AKAP19: variants seen among roughly 807,000 people sequenced by gnomAD.
The protein encoded by AKAP19 is small A-kinase anchoring protein.
chr2:189,890,841 C>G, the AKAP19 span, among the ~76,000 whole-genome samples: 1 of 152,166 alleles, frequency 6.6e-6, no homozygotes, highest in Non-Finnish European at 1.5e-5. Flanking sequence ...CTCCTGAATA[C>G]AGCACACTGA....
chr2:190,196,115 T>TAA, the AKAP19 span, among the ~76,000 whole-genome samples: 1 of 152,086 alleles, frequency 6.6e-6, no homozygotes, highest in African/African-American at 2.4e-5. Context: ...GGCTTTTTCA[T>TAA]ATGTTGGTTT....
the AKAP19 span, chr2:190,201,614 A>T: frequency 6.0e-6 from 1 of 167,072 alleles, no homozygotes; most frequent in African/African-American, 2.4e-5. Flanking sequence ...CCACAATCAA[A>T]TAGAGTGAAT....
chr2:189,905,286 T>C, the AKAP19 span, among the ~76,000 whole-genome samples: 1 of 152,030 alleles, frequency 6.6e-6, no homozygotes, highest in Non-Finnish European at 1.5e-5. Flanking sequence ...TCCATTTGTA[T>C]GAAGCTACTT....
the AKAP19 span, among the ~76,000 whole-genome samples, chr2:190,094,477 A>C: frequency 6.6e-6 from 1 of 152,240 alleles, no homozygotes; most frequent in African/African-American, 2.4e-5. Flanking sequence ...GATTTATTAC[A>C]AAATTCCTTA....
the AKAP19 span, among the ~76,000 whole-genome samples, chr2:190,078,371 T>TA: frequency 6.6e-6 from 1 of 152,188 alleles, no homozygotes; most frequent in Admixed American, 6.5e-5. Context: ...GTAAATATAC[T>TA]ACCTGGTTAC....
At chr2:190,118,551 G>GGCT in the AKAP19 span, among the ~76,000 whole-genome samples, 7 of 152,316 alleles carry the variant, frequency 4.6e-5, no homozygotes, top group African/African-American at 1.4e-4. Flanking sequence ...TGGGATGCAA[G>GGCT]GCTGGTTCAA....
chr2:189,957,319 A>G, the AKAP19 span, among the ~76,000 whole-genome samples: 739 of 152,322 alleles, frequency 4.9e-3, 7 homozygotes, highest in African/African-American at 0.017. Flanking sequence ...TGCTATACAT[A>G]TATATTCCTT....
chr2:190,022,435 G>A, the AKAP19 span, among the ~76,000 whole-genome samples: 2 of 152,212 alleles, frequency 1.3e-5, no homozygotes, highest in East Asian at 3.9e-4. Context: ...GAATTAATTT[G>A]TATCTTATTA....
chr2:190,053,430 G>T, the AKAP19 span, among the ~76,000 whole-genome samples: 1 of 152,126 alleles, frequency 6.6e-6, no homozygotes, highest in Non-Finnish European at 1.5e-5. Flanking sequence ...GTGTTATCTA[G>T]CGTAAATATA....
chr2:190,145,240 T>A, the AKAP19 span, among the ~76,000 whole-genome samples: 1 of 152,166 alleles, frequency 6.6e-6, no homozygotes, highest in African/African-American at 2.4e-5. Context: ...TAAGCAGAGA[T>A]CACATGACAG....
At chr2:189,932,906 C>A in the AKAP19 span, among the ~76,000 whole-genome samples, 1 of 151,988 alleles carries the variant, frequency 6.6e-6, no homozygotes, top group Non-Finnish European at 1.5e-5. Flanking sequence ...AACTGAGTAT[C>A]TTAAAGATAC....
the AKAP19 span, among the ~76,000 whole-genome samples, chr2:190,054,044 G>A: frequency 6.6e-6 from 1 of 151,888 alleles, no homozygotes; most frequent in African/African-American, 2.4e-5. Flanking sequence ...GAAAATTGGT[G>A]CTCACAAAGT....
the AKAP19 span, among the ~76,000 whole-genome samples, chr2:190,186,492 G>A: frequency 1.4e-4 from 21 of 152,150 alleles, no homozygotes; most frequent in Non-Finnish European, 2.5e-4. The surrounding 1 kb of genome is among the most constrained non-coding windows in gnomAD (Gnocchi z 5.5). Context: ...GGATGAAACC[G>A]ACTTCTCAGT....
the AKAP19 span, among the ~76,000 whole-genome samples, chr2:189,979,043 T>G: frequency 6.6e-6 from 1 of 151,750 alleles, no homozygotes; most frequent in African/African-American, 2.4e-5. Context: ...TCCTATAAAA[T>G]TACCAAAGTC....
At chr2:189,933,121 A>G in the AKAP19 span, among the ~76,000 whole-genome samples, 63 of 152,336 alleles carry the variant, frequency 4.1e-4, 1 homozygote, top group African/African-American at 1.4e-3. Context: ...TTATATAATC[A>G]GCATTTAGTT....
the AKAP19 span, among the ~76,000 whole-genome samples, chr2:189,880,078 C>G: frequency 6.6e-6 from 1 of 152,166 alleles, no homozygotes; most frequent in Non-Finnish European, 1.5e-5. Flanking sequence ...ACGTGATTCT[C>G]TGTGATTTTA....
At chr2:189,953,267 GATA>G in the AKAP19 span, among the ~76,000 whole-genome samples, 1 of 152,180 alleles carries the variant, frequency 6.6e-6, no homozygotes, top group Admixed American at 6.5e-5. Context: ...CTCAAATAAT[GATA>G]ATAATAAGAT....
chr2:190,195,171 T>G, the AKAP19 span, among the ~76,000 whole-genome samples: 1 of 152,214 alleles, frequency 6.6e-6, no homozygotes, highest in African/African-American at 2.4e-5. Context: ...CTCATTTATT[T>G]TTAATGCTGA....
chr2:190,031,101 G>A, the AKAP19 span, among the ~76,000 whole-genome samples: 5 of 152,266 alleles, frequency 3.3e-5, no homozygotes, highest in South Asian at 2.1e-4. Context: ...GTCAGAAGTC[G>A]AGGACTTTGC....
Sources: allele counts gnomAD v4.1 joint callset (sites outside exome capture counted in the v4.1 genomes callset), GRCh38; gene constraint gnomAD v4.1.1; non-coding constraint Gnocchi (gnomAD v3.1); transcripts MANE v1.5; gene names NCBI Gene and HGNC (gene_info 2026-07-23, HGNC 2026-07-21).